CARMIL1: variants seen among roughly 807,000 people sequenced by gnomAD.
CARMIL1 encodes the protein F-actin-uncapping protein LRRC16A.
A neutral mutation model predicts 177.1 loss-of-function variants in CARMIL1; 90 were observed. The ratio of observed to expected loss-of-function variants is 0.51; its 90% CI spans 0.43 to 0.61. The LOEUF is 0.61. Among genes scored for constraint, CARMIL1 ranks in the 20% least tolerant of loss-of-function variants. The pLI is 0.00. For synonymous variants in CARMIL1, 577 were observed against 606.2 expected (o/e 0.95, Z 0.71); for missense variants, 1,380 against 1,667.0 (o/e 0.83, Z 3.00).
intron 8 of CARMIL1, chr6:25,452,478 T>A (rs2150866972): frequency 2.6e-6 from 1 of 387,910 alleles, no homozygotes; most frequent in Middle Eastern, 7.0e-4. Context: ...TTAAAAATGA[T>A]CGATCTTTGG....
intron 29 of CARMIL1, among the ~76,000 whole-genome samples, chr6:25,566,916 A>G (rs1811603598): frequency 6.6e-6 from 1 of 152,262 alleles, no homozygotes; most frequent in Non-Finnish European, 1.5e-5. Context: ...ATGAGGTTCA[A>G]TTAATGAGAA....
rs1421826794 is a variant in CARMIL1, at chr6:25,619,833, A to T, written c.*250A>T. On this transcript the variant is annotated 3_prime_UTR_variant, in exon 37 of 37. Coordinates refer to ENST00000329474, the MANE Select transcript of CARMIL1 (RefSeq NM_017640.6). ...GTCTTCCTCCAACCCTTTGCATTTG[A>T]TTTCTAAACATTCCTTCATATGCCT... 1 of 226,544 alleles carries T rather than the reference A, an allele frequency of 4.4e-6. No individual in the cohort carries two copies. Among genetic ancestry groups the T allele is most frequent in the Non-Finnish European group, 7.5e-6 (1 of 132,498 alleles). 14.0% of individuals were successfully genotyped at this position (226,544 alleles called of 1,614,324 possible). A position where few individuals can be genotyped will look rare whatever the true frequency, so the allele number is the denominator to read the frequency against.
chr6:25,436,344 T>C (rs1288417510), intron 5 of CARMIL1, among the ~76,000 whole-genome samples: 1 of 152,128 alleles, frequency 6.6e-6, no homozygotes, highest in Non-Finnish European at 1.5e-5. Flanking sequence ...GCAGAAAATT[T>C]CCCTCCCATT....
chr6:25,552,165 C>G (rs1304264562), intron 27 of CARMIL1, among the ~76,000 whole-genome samples: 1 of 152,102 alleles, frequency 6.6e-6, no homozygotes. Flanking sequence ...TATAGGACCC[C>G]ATAGATTAGT....
chr6:25,425,968 A>G (rs1293376571), intron 3 of CARMIL1, among the ~76,000 whole-genome samples: 1 of 152,200 alleles, frequency 6.6e-6, no homozygotes, highest in Admixed American at 6.6e-5. Context: ...AGAGTGTAAC[A>G]AATAGCTGAA....
chr6:25,382,408 GGTGA>G (rs1562062541), intron 2 of CARMIL1, among the ~76,000 whole-genome samples: 1 of 152,098 alleles, frequency 6.6e-6, no homozygotes, highest in Non-Finnish European at 1.5e-5. Flanking sequence ...GGACCTTTGC[GGTGA>G]GTGTTACAGC....
At chr6:25,467,398 C>G (rs1401039831) in intron 9 of CARMIL1, among the ~76,000 whole-genome samples, 1 of 152,168 alleles carries the variant, frequency 6.6e-6, no homozygotes, top group Non-Finnish European at 1.5e-5. Flanking sequence ...ACAGAGAGAA[C>G]AATGGTTTGC....
At chr6:25,585,741 G>A (rs1052637747) in intron 31 of CARMIL1, among the ~76,000 whole-genome samples, 2 of 152,036 alleles carry the variant, frequency 1.3e-5, no homozygotes, top group African/African-American at 4.8e-5. Flanking sequence ...TTAGGGAGTG[G>A]TGATGACTCT....
chr6:25,576,978 T>G, intron 29 of CARMIL1: 1 of 985,338 alleles, frequency 1.0e-6, no homozygotes, highest in Non-Finnish European at 1.2e-6. Flanking sequence ...GCATGGAGAC[T>G]CTCTGCTGTA....
At chr6:25,538,065 T>C in intron 25 of CARMIL1, 82 bp downstream of exon 25, 5 of 1,430,428 alleles carry the variant, frequency 3.5e-6, no homozygotes, top group Non-Finnish European at 4.7e-6. Context: ...CAGTTTCAAC[T>C]TTCTCTCTCT....
intron 2 of CARMIL1, among the ~76,000 whole-genome samples, chr6:25,373,834 C>T (rs939476625): frequency 1.3e-5 from 2 of 152,114 alleles, no homozygotes; most frequent in Non-Finnish European, 2.9e-5. Context: ...CCGTCTGCCT[C>T]AGCCTCCCAA....
intron 29 of CARMIL1, among the ~76,000 whole-genome samples, chr6:25,560,989 A>G (rs1445620301): frequency 6.6e-6 from 1 of 152,160 alleles, no homozygotes; most frequent in African/African-American, 2.4e-5. Context: ...GTGCCTCTCT[A>G]TATGTTATTT....
In CARMIL1 at chr6:25,344,927, T is replaced by G. The variant is rs538475082; in HGVS notation, c.138+60018T>G. On this transcript the variant is annotated intron_variant, in intron 2 of 36. Coordinates refer to ENST00000329474, the MANE Select transcript of CARMIL1 (RefSeq NM_017640.6). ...ATGAGTTATTATTTTTCTTATTAAA[T>G]AAAAACATCCTCTCTTGACTCTGAT... is the stretch of plus-strand genomic sequence containing the variant. Among the ~76,000 whole-genome samples the G allele has an allele frequency of 9.5e-4, 145 of 152,334 alleles. 1 individual carries two copies. The highest frequency in any genetic ancestry group is 3.3e-3 in the African/African-American group (139 of 41,574).
chr6:25,479,706 G>A (rs1801911100), intron 11 of CARMIL1, among the ~76,000 whole-genome samples: 1 of 151,674 alleles, frequency 6.6e-6, no homozygotes, highest in Non-Finnish European at 1.5e-5. Context: ...TACAGAGGTG[G>A]GTGAGGATTA....
In CARMIL1 at chr6:25,520,351, A is replaced by T; in HGVS notation, c.1968+14A>T. 1 of 1,390,662 alleles carries T rather than the reference A, an allele frequency of 7.2e-7. No homozygotes were observed. The highest frequency in any genetic ancestry group is 1.3e-5 in the South Asian group (1 of 77,754). 86.1% of individuals were successfully genotyped at this position (1,390,662 alleles called of 1,614,324 possible). On this transcript the variant is annotated intron_variant, in intron 23 of 36. Coordinates refer to ENST00000329474, the MANE Select transcript of CARMIL1 (RefSeq NM_017640.6). ...GCTCTGCAAAAGGTATTAAAGAATC[A>T]GTAGCTTAATTACAAGAAATTCACA...
intron 35 of CARMIL1, among the ~76,000 whole-genome samples, chr6:25,607,918 C>T (rs936096282): frequency 6.6e-6 from 1 of 152,180 alleles, no homozygotes; most frequent in Non-Finnish European, 1.5e-5. Flanking sequence ...CCTAATTCTA[C>T]TCAAACTTTT....
rs756634264 is a variant in CARMIL1 at position 25,374,575 on chromosome 6, T to G, written c.139-45539T>G. Among the ~76,000 whole-genome samples the G allele has an allele frequency of 2.1e-4, 32 of 152,346 alleles. No homozygotes were observed. The Middle Eastern group carries it at 0.01, about 49-fold the overall frequency. ...AGTATAGTTTAAGGTTGATGTTTCT[T>G]AGTTGACTTTCTTCCTTGATGATCT... On this transcript the variant is annotated intron_variant, in intron 2 of 36. Coordinates refer to ENST00000329474, the MANE Select transcript of CARMIL1 (RefSeq NM_017640.6).
chr6:25,542,804 C>T (rs932567645), intron 26 of CARMIL1, among the ~76,000 whole-genome samples: 1 of 152,000 alleles, frequency 6.6e-6, no homozygotes, highest in Non-Finnish European at 1.5e-5. Flanking sequence ...AAAAAAAATA[C>T]CATTTGTCTA....
chr6:25,369,382 T>TTTG (rs1562045825), intron 2 of CARMIL1, among the ~76,000 whole-genome samples: 1 of 86,506 alleles, frequency 1.2e-5, no homozygotes, highest in Non-Finnish European at 3.3e-5. Flanking sequence ...GTATTTTGTT[T>TTTG]TTTTTTTTTT....
Sources: gnomAD v4.1 joint callset for allele counts (sites outside exome capture counted in the v4.1 genomes callset) on GRCh38, gnomAD v4.1.1 for gene constraint, MANE v1.5 for transcripts, NCBI Gene and HGNC (gene_info 2026-07-23, HGNC 2026-07-21) for gene names.